PTPRR: variants seen among roughly 807,000 people sequenced by gnomAD.
PTPRR encodes the protein protein tyrosine phosphatase receptor type R.
In PTPRR, 38 loss-of-function variants were observed where a neutral mutation model predicts 77.2. The observed-to-expected ratio is 0.49, with a 90% CI of 0.38 to 0.65. The LOEUF is 0.65. Ranked by LOEUF, PTPRR falls within the 30% of genes least tolerant of loss-of-function variation. The probability of loss-of-function intolerance (pLI) is 0.00; values close to 1 mark genes in which losing one functional copy is unlikely to be tolerated. For missense variants in PTPRR, 744 were observed against 799.2 expected, an observed-to-expected ratio of 0.93 and a Z score of 0.83; for synonymous variants, 299 against 283.1, an observed-to-expected ratio of 1.06 and a Z score of -0.57.
At chr12:70,873,055 C>G (rs553289479) in intron 2 of PTPRR, among the ~76,000 whole-genome samples, 2,208 of 152,138 alleles carry the variant, frequency 0.015, 58 homozygotes, top group African/African-American at 0.05. Flanking sequence ...TCAGATGATC[C>G]AGTTCAAGGT....
intron 2 of PTPRR, among the ~76,000 whole-genome samples, chr12:70,869,100 G>T (rs1249539009): frequency 6.7e-6 from 1 of 150,172 alleles, no homozygotes; most frequent in Non-Finnish European, 1.5e-5. Context: ...CGAGTTAATG[G>T]GTGCAGCACA....
intron 5 of PTPRR, among the ~76,000 whole-genome samples, chr12:70,753,842 A>T (rs1475887409): frequency 6.6e-6 from 1 of 152,192 alleles, no homozygotes; most frequent in Non-Finnish European, 1.5e-5. Flanking sequence ...TAAAGATGAT[A>T]TAAAAGGAGA....
chr12:70,700,271 G>T (rs1888371894), intron 7 of PTPRR, among the ~76,000 whole-genome samples: 1 of 152,140 alleles, frequency 6.6e-6, no homozygotes, highest in East Asian at 1.9e-4. Context: ...GGCTTAAGAT[G>T]CAAGAGGTGA....
intron 2 of PTPRR, among the ~76,000 whole-genome samples, chr12:70,828,707 T>C (rs1892159531): frequency 6.6e-6 from 1 of 152,246 alleles, no homozygotes; most frequent in African/African-American, 2.4e-5. Flanking sequence ...GCTTTCTGAA[T>C]GTATTCGAAC....
Position 70,701,214 on chromosome 12 carries a change from A to G in PTPRR, c.1117T>C (p.Ser373Pro). The change falls in exon 7 of 14, where the codon TCA becomes CCA. Residue 373 changes from serine (S) to proline (P), a missense_variant. By Grantham distance (74) the Ser-to-Pro change is moderately conservative. This residue lies in a region of PTPRR where 570 missense variants were observed against 573.2 expected (regional missense o/e 0.99). Coordinates refer to ENST00000283228, the MANE Select transcript of PTPRR (RefSeq NM_002849.4). Reference sequence around the variant, plus strand: ...GACCTTGTGAGAATTCGGCTGGCTGACTGCAGATACTCCATTGCTACCTTC... The same window carrying G: ...GACCTTGTGAGAATTCGGCTGGCTGGCTGCAGATACTCCATTGCTACCTTC... ...REKVAMEYLQ[S>P]ASRILTRSQL... The G allele has an allele frequency of 6.2e-7, 1 of 1,613,992 alleles. No individual in the cohort carries two copies. Among genetic ancestry groups the G allele is most frequent in the East Asian group, 2.2e-5 (1 of 44,874 alleles).
intron 8 of PTPRR, among the ~76,000 whole-genome samples, chr12:70,691,231 T>C (rs971423925): frequency 6.6e-6 from 1 of 152,208 alleles, no homozygotes; most frequent in Admixed American, 6.5e-5. Context: ...GACCCTCTTG[T>C]TGTTAAGCCC....
chr12:70,766,637 G>A (rs11178404), intron 2 of PTPRR, among the ~76,000 whole-genome samples: 54,737 of 148,104 alleles, frequency 0.37, 12,527 homozygotes, highest in African/African-American at 0.65. Context: ...AGGCAGGCCA[G>A]CATTCAGATT....
intron 8 of PTPRR, among the ~76,000 whole-genome samples, chr12:70,690,347 A>G (rs1169966819): frequency 6.6e-6 from 1 of 152,248 alleles, no homozygotes; most frequent in Non-Finnish European, 1.5e-5. Context: ...CTAGGGAGGC[A>G]TTAATAGAAT....
intron 2 of PTPRR, among the ~76,000 whole-genome samples, chr12:70,869,040 G>T (rs1250369652): frequency 8.5e-5 from 9 of 106,234 alleles, no homozygotes; most frequent in East Asian, 7.1e-4. Context: ...GTTGTGGGGT[G>T]GGGGGAGGGG....
chr12:70,733,472 AAAAAAAAAAG>A (rs1889752336), intron 6 of PTPRR, among the ~76,000 whole-genome samples: 1 of 78,684 alleles, frequency 1.3e-5, no homozygotes, highest in African/African-American at 6.0e-5. Context: ...AATTATGGCA[AAAAAAAAAAG>A]AAAAAAAAAG....
intron 2 of PTPRR, among the ~76,000 whole-genome samples, chr12:70,857,712 C>T (rs150420294): frequency 4.2e-4 from 64 of 151,998 alleles, no homozygotes; most frequent in Admixed American, 3.0e-3. Context: ...TCTATGAATG[C>T]GATGGGGAAT....
At chr12:70,768,940 C>A (rs969423737) in intron 2 of PTPRR, among the ~76,000 whole-genome samples, 2 of 151,266 alleles carry the variant, frequency 1.3e-5, no homozygotes, top group African/African-American at 2.5e-5. Context: ...GCAGAAAAAG[C>A]CTTTGACAAA....
intron 4 of PTPRR, among the ~76,000 whole-genome samples, chr12:70,758,611 T>C (rs370777703): frequency 1.2e-3 from 178 of 151,680 alleles, no homozygotes; most frequent in African/African-American, 4.1e-3. Context: ...GCCTTGACTG[T>C]GGGAATGGGG....
intron 8 of PTPRR, among the ~76,000 whole-genome samples, chr12:70,695,122 T>G (rs1008373472): frequency 6.6e-6 from 1 of 152,192 alleles, no homozygotes; most frequent in African/African-American, 2.4e-5. Flanking sequence ...CATAATTGAT[T>G]CTTGCCTATC....
rs777948984 is a variant in PTPRR, at chr12:70,920,439, C to T, written c.-49G>A. The stretch of plus-strand genomic sequence containing the variant: ...GAGAAACTCCACCACGACCCCACTT[C>T]AGGTAAAGTGCTATTAGAAAGAGCC... On this transcript the variant is annotated 5_prime_UTR_variant, in exon 1 of 14. Transcript: ENST00000283228. 75 of 1,565,266 alleles carry T rather than the reference C, an allele frequency of 4.8e-5. No individual in the cohort carries two copies. Among genetic ancestry groups the T allele is most frequent in the Non-Finnish European group, 6.0e-5 (68 of 1,140,408 alleles).
intron 1 of PTPRR, among the ~76,000 whole-genome samples, chr12:70,916,183 C>A (rs761164794): frequency 2.0e-5 from 3 of 151,970 alleles, no homozygotes; most frequent in Admixed American, 6.6e-5. Context: ...AATAGAATAA[C>A]CTCATTAACA....
chr12:70,833,798 C>T (rs897051859), intron 2 of PTPRR, among the ~76,000 whole-genome samples: 1 of 152,132 alleles, frequency 6.6e-6, no homozygotes, highest in African/African-American at 2.4e-5. Flanking sequence ...CCTGAAAAGG[C>T]CCCAGATGAC....
intron 2 of PTPRR, among the ~76,000 whole-genome samples, chr12:70,889,309 G>A (rs1326465401): frequency 1.3e-5 from 2 of 152,094 alleles, no homozygotes; most frequent in Non-Finnish European, 2.9e-5. Flanking sequence ...TCTTTACAGT[G>A]GCAAAGCAAT....
At chr12:70,799,675 C>G (rs1425285592) in intron 2 of PTPRR, among the ~76,000 whole-genome samples, 1 of 152,030 alleles carries the variant, frequency 6.6e-6, no homozygotes, top group Non-Finnish European at 1.5e-5. Context: ...CAGAAAATAT[C>G]TTTGGTGATG....
Sources: gnomAD v4.1 joint callset for allele counts (sites outside exome capture counted in the v4.1 genomes callset) on GRCh38, gnomAD v4.1.1 for gene constraint, gnomAD v4.1.1 regional missense constraint, MANE v1.5 for transcripts, NCBI Gene and HGNC (gene_info 2026-07-23, HGNC 2026-07-21) for gene names.